Variants in NKAIN3 observed in about 807,000 individuals in gnomAD.
NKAIN3 encodes sodium/potassium transporting ATPase interacting 3, also known as sodium/potassium-transporting ATPase subunit beta-1-interacting protein 3.
A neutral mutation model predicts 30.2 loss-of-function variants in NKAIN3; 25 were observed. That is an observed-to-expected ratio of 0.83 (90% CI 0.60 to 1.16). NKAIN3 has a LOEUF of 1.16. Ranked by LOEUF, NKAIN3 falls within the 50% of genes most tolerant of loss-of-function variation. The probability of loss-of-function intolerance (pLI) is 0.00; values close to 1 mark genes in which losing one functional copy is unlikely to be tolerated. For synonymous variants in NKAIN3, 91 were observed against 89.6 expected, an observed-to-expected ratio of 1.02 and a Z score of -0.09; for missense variants, 225 against 254.1, an observed-to-expected ratio of 0.89 and a Z score of 0.78.
At chr8:62,552,279 C>G (rs1274122619) in intron 1 of NKAIN3, among the ~76,000 whole-genome samples, 1 of 152,118 alleles carries the variant, frequency 6.6e-6, no homozygotes, top group East Asian at 1.9e-4. Flanking sequence ...GCTTCCAGAT[C>G]GTCACTGAAA....
intron 1 of NKAIN3, among the ~76,000 whole-genome samples, chr8:62,431,091 T>A (rs1227503521): frequency 6.6e-6 from 1 of 151,924 alleles, no homozygotes; most frequent in Non-Finnish European, 1.5e-5. Context: ...TTTACAGTTT[T>A]GTATTTTATA....
At chr8:62,372,200 C>A (rs1816932786) in intron 1 of NKAIN3, among the ~76,000 whole-genome samples, 1 of 149,236 alleles carries the variant, frequency 6.7e-6, no homozygotes, top group South Asian at 2.1e-4. Flanking sequence ...ATGTATAGGG[C>A]ATTTACTTAA....
At chr8:62,848,984 G>C (rs1207637631) in intron 4 of NKAIN3, among the ~76,000 whole-genome samples, 1 of 152,092 alleles carries the variant, frequency 6.6e-6, no homozygotes, top group African/African-American at 2.4e-5. Context: ...TGTGTATGTT[G>C]AACCAGCTTG....
At chr8:62,725,680 C>A (rs1815234445) in intron 3 of NKAIN3, among the ~76,000 whole-genome samples, 1 of 152,004 alleles carries the variant, frequency 6.6e-6, no homozygotes, top group South Asian at 2.1e-4. Context: ...GGATTTATTT[C>A]TGGGTTCTTT....
chr8:62,500,027 A>G (rs1246311746), intron 1 of NKAIN3, among the ~76,000 whole-genome samples: 2 of 152,164 alleles, frequency 1.3e-5, no homozygotes, highest in East Asian at 1.9e-4. Context: ...GACATCAACT[A>G]CAGTGAACCT....
chr8:62,989,126 T>A (rs186432863), downstream of NKAIN3, among the ~76,000 whole-genome samples: 96 of 152,316 alleles, frequency 6.3e-4, 1 homozygote, highest in African/African-American at 2.3e-3. Context: ...GTCAAAGACA[T>A]TCAACAAATT....
At chr8:62,434,325 A>G (rs1019256535) in intron 1 of NKAIN3, among the ~76,000 whole-genome samples, 1 of 152,122 alleles carries the variant, frequency 6.6e-6, no homozygotes, top group Admixed American at 6.6e-5. Flanking sequence ...TTCATTCAAC[A>G]GTTATGAGGA....
chr8:62,452,497 T>TAAAC (rs545794653), intron 1 of NKAIN3, among the ~76,000 whole-genome samples: 9 of 150,566 alleles, frequency 6.0e-5, no homozygotes, highest in Non-Finnish European at 8.8e-5. Flanking sequence ...AATAAATAAA[T>TAAAC]AAACAAACAA....
chr8:62,530,744 C>T (rs1808462055), intron 1 of NKAIN3, among the ~76,000 whole-genome samples: 1 of 151,908 alleles, frequency 6.6e-6, no homozygotes, highest in Admixed American at 6.6e-5. Flanking sequence ...ATTCAAGAGA[C>T]TCTCCTGCCT....
In NKAIN3 at chr8:62,754,202, G is replaced by T. The variant is rs185208093; in HGVS notation, c.471+7073G>T. Among the ~76,000 whole-genome samples, 484 of 152,036 alleles carry T rather than the reference G, an allele frequency of 3.2e-3. 2 individuals carry two copies. The highest frequency in any genetic ancestry group is 0.014 in the Middle Eastern group (4 of 294). Reference sequence around the variant, plus strand: ...CTCATAACTTTTATTTGATCATTTAGAGGCACTCATAAATCTTAGTTACTA... The same window carrying T: ...CTCATAACTTTTATTTGATCATTTATAGGCACTCATAAATCTTAGTTACTA... On this transcript the variant is annotated intron_variant, in intron 4 of 6. Coordinates refer to ENST00000623646, the MANE Select transcript of NKAIN3 (RefSeq NM_001304533.3).
intron 5 of NKAIN3, among the ~76,000 whole-genome samples, chr8:62,937,079 T>G (rs1822807125): frequency 6.6e-6 from 1 of 152,020 alleles, no homozygotes; most frequent in African/African-American, 2.4e-5. Context: ...AAATCAACAT[T>G]CTTTATTTCC....
chr8:62,354,690 G>C (rs1457389306), intron 1 of NKAIN3, among the ~76,000 whole-genome samples: 1 of 152,148 alleles, frequency 6.6e-6, no homozygotes, highest in African/African-American at 2.4e-5. Flanking sequence ...TGATCAACCT[G>C]CCTCGGCCTT....
chr8:62,861,851 T>C (rs1820249390), intron 4 of NKAIN3, among the ~76,000 whole-genome samples: 1 of 152,232 alleles, frequency 6.6e-6, no homozygotes, highest in Non-Finnish European at 1.5e-5. Context: ...ATAAAATCAT[T>C]ACCTAAAACC....
At chr8:62,374,001 T>A (rs1247697783) in intron 1 of NKAIN3, among the ~76,000 whole-genome samples, 1 of 150,160 alleles carries the variant, frequency 6.7e-6, no homozygotes, top group Non-Finnish European at 1.5e-5. Flanking sequence ...TAGTCCCAGC[T>A]ACTTGGGAGG....
intron 3 of NKAIN3, among the ~76,000 whole-genome samples, chr8:62,682,432 A>T (rs1184913427): frequency 4.6e-5 from 7 of 152,232 alleles, no homozygotes; most frequent in Non-Finnish European, 8.8e-5. Flanking sequence ...GGAAGCCTCC[A>T]GCTGAACTCT....
intron 1 of NKAIN3, among the ~76,000 whole-genome samples, chr8:62,320,154 C>T (rs1211541995): frequency 1.3e-5 from 2 of 152,064 alleles, no homozygotes; most frequent in African/African-American, 4.8e-5. Context: ...AGGATTGCAA[C>T]CCCTGCCTTT....
At chr8:62,993,534 C>G (rs938531502) in intron 5 of NKAIN3, among the ~76,000 whole-genome samples, 4 of 152,106 alleles carry the variant, frequency 2.6e-5, no homozygotes, top group Non-Finnish European at 1.5e-5. Flanking sequence ...TCTCTAGAGG[C>G]ACCATATGGC....
intron 3 of NKAIN3, among the ~76,000 whole-genome samples, chr8:62,685,908 C>T (rs1813787594): frequency 6.6e-6 from 1 of 152,146 alleles, no homozygotes; most frequent in Non-Finnish European, 1.5e-5. Flanking sequence ...CTCTCCAAAG[C>T]TTTCCTCATG....
chr8:62,439,371 T>G (rs1455245192), intron 1 of NKAIN3, among the ~76,000 whole-genome samples: 1 of 152,214 alleles, frequency 6.6e-6, no homozygotes, highest in Non-Finnish European at 1.5e-5. Flanking sequence ...CTCCAGTTTC[T>G]CTGCTAGCAT....
Sources: allele counts gnomAD v4.1 joint callset (sites outside exome capture counted in the v4.1 genomes callset), GRCh38; gene constraint gnomAD v4.1.1; transcripts MANE v1.5; gene names NCBI Gene and HGNC (gene_info 2026-07-23, HGNC 2026-07-21).